The following OLAH variants were observed in gnomAD, a reference collection of about 807,000 sequenced individuals.
The protein encoded by OLAH is oleoyl-ACP hydrolase, also known as S-acyl fatty acid synthase thioesterase, medium chain.
A neutral mutation model predicts 27.8 loss-of-function variants in OLAH; 33 were observed. The observed-to-expected ratio is 1.19, with a 90% confidence interval of 0.90 to 1.59. The LOEUF (loss-of-function observed/expected upper bound fraction) is 1.59. Ranked by LOEUF, OLAH falls within the 40% of genes most tolerant of loss-of-function variation. The pLI, the probability that OLAH is intolerant of heterozygous loss-of-function variation, is 0.00. For missense variants in OLAH, 359 were observed against 310.8 expected (o/e 1.16, Z -1.17); for synonymous variants, 120 against 102.9 (o/e 1.17, Z -1.01).
chr10:15,043,641 A>G (rs1259512272), upstream of OLAH, among the ~76,000 whole-genome samples: 2 of 151,650 alleles, frequency 1.3e-5, no homozygotes, highest in South Asian at 2.1e-4. Flanking sequence ...AATTTTTTGT[A>G]TTTTTTAGTA....
At chr10:15,072,869 G>T (rs1844618896) in intron 7 of OLAH, among the ~76,000 whole-genome samples, 1 of 151,990 alleles carries the variant, frequency 6.6e-6, no homozygotes, top group South Asian at 2.1e-4. Context: ...TAGCCATTAG[G>T]CTGATGATGC....
chr10:15,056,697 C>T, intron 3 of OLAH: 1 of 1,008,526 alleles, frequency 9.9e-7, no homozygotes, highest in South Asian at 4.4e-5. Context: ...ATAGCATGAT[C>T]TTGGCTCATT....
intron 5 of OLAH, among the ~76,000 whole-genome samples, chr10:15,065,166 C>A (rs1171917693): frequency 6.6e-6 from 1 of 152,130 alleles, no homozygotes; most frequent in Non-Finnish European, 1.5e-5. Flanking sequence ...GGAACTTAAC[C>A]AACTTTGAGC....
chr10:15,062,558 A>T (rs1196972631), intron 4 of OLAH, among the ~76,000 whole-genome samples: 1 of 151,180 alleles, frequency 6.6e-6, no homozygotes, highest in Non-Finnish European at 1.5e-5. Flanking sequence ...GATGTGAAAG[A>T]TGTTTATTGC....
intron 3 of OLAH, among the ~76,000 whole-genome samples, chr10:15,050,327 G>A (rs1279128279): frequency 6.6e-6 from 1 of 152,050 alleles, no homozygotes; most frequent in African/African-American, 2.4e-5. Flanking sequence ...GAGTGCAGTG[G>A]TGCAATCTCG....
chr10:15,067,785 C>T (rs1214862377), intron 6 of OLAH, among the ~76,000 whole-genome samples: 1 of 152,158 alleles, frequency 6.6e-6, no homozygotes, highest in Non-Finnish European at 1.5e-5. Context: ...TGAAATCAGG[C>T]CTACAGAGTT....
At chr10:15,053,018 G>A (rs1844177289) in intron 3 of OLAH, among the ~76,000 whole-genome samples, 2 of 152,128 alleles carry the variant, frequency 1.3e-5, no homozygotes, top group African/African-American at 4.8e-5. Flanking sequence ...TGGGATTACA[G>A]GTGTGAGCCA....
intron 3 of OLAH, among the ~76,000 whole-genome samples, chr10:15,051,784 T>C (rs1844149189): frequency 6.6e-6 from 1 of 152,248 alleles, no homozygotes; most frequent in Non-Finnish European, 1.5e-5. Context: ...TCCCTAATCA[T>C]GTATTCTTTG....
intron 6 of OLAH, among the ~76,000 whole-genome samples, chr10:15,069,727 G>A (rs1460592503): frequency 1.3e-5 from 2 of 152,148 alleles, no homozygotes; most frequent in African/African-American, 2.4e-5. Context: ...ATAGCTGGAT[G>A]TGGTGGCAGA....
intron 1 of OLAH, among the ~76,000 whole-genome samples, chr10:15,033,085 C>G (rs562032475): frequency 3.4e-4 from 52 of 151,786 alleles, no homozygotes; most frequent in African/African-American, 1.2e-3. Context: ...CCATGTTGGC[C>G]AGGCTGGTCT....
chr10:15,045,759 G>A (rs551705717), intron 1 of OLAH, among the ~76,000 whole-genome samples: 1 of 152,090 alleles, frequency 6.6e-6, no homozygotes, highest in Non-Finnish European at 1.5e-5. Context: ...TGGGATCCAA[G>A]GAGCTCCTAG....
intron 6 of OLAH, among the ~76,000 whole-genome samples, chr10:15,068,631 G>A (rs1454311290): frequency 6.6e-6 from 1 of 152,134 alleles, no homozygotes; most frequent in Non-Finnish European, 1.5e-5. Context: ...CTGACCTCAG[G>A]TGATCCACCC....
chr10:15,037,580 C>CAAAAAAAA (rs66522152), intron 1 of OLAH, among the ~76,000 whole-genome samples: 5 of 141,268 alleles, frequency 3.5e-5, no homozygotes, highest in African/African-American at 2.6e-5. Context: ...GACTCCGTAT[C>CAAAAAAAA]AAAAAAAAAA....
intron 1 of OLAH, among the ~76,000 whole-genome samples, chr10:15,037,851 C>T (rs574750130): frequency 2.0e-5 from 3 of 152,318 alleles, no homozygotes; most frequent in Admixed American, 6.5e-5. Context: ...TAACTGGCAG[C>T]GACTTCAGCC....
intron 4 of OLAH, 140 bp from the exon 5 acceptor site, chr10:15,064,263 A>G: frequency 1.6e-6 from 1 of 609,714 alleles, no homozygotes; most frequent in Non-Finnish European, 2.9e-6. Flanking sequence ...GAAAAGATAG[A>G]CTTCTTAATC....
upstream of OLAH, among the ~76,000 whole-genome samples, chr10:15,041,280 A>T (rs200220001): frequency 3.4e-4 from 27 of 79,048 alleles, no homozygotes; most frequent in East Asian, 7.6e-4. Flanking sequence ...TTTTATTTTT[A>T]TTTTTATTTT....
chr10:15,035,915 C>A (rs1353737194), intron 1 of OLAH, among the ~76,000 whole-genome samples: 1 of 152,154 alleles, frequency 6.6e-6, no homozygotes, highest in Non-Finnish European at 1.5e-5. Flanking sequence ...CTCATTGAAT[C>A]TCACACCAAT....
At position 15,037,311 on chromosome 10, in the gene OLAH, T is replaced by A. The variant is rs563459239; in HGVS notation, c.-164+4961T>A. 1.9e-3 allele frequency among the ~76,000 whole-genome samples: 296 copies of A among 152,286 alleles called. 2 individuals carry two copies. The highest frequency in any genetic ancestry group is 6.9e-3 in the African/African-American group (287 of 41,578). On this transcript the variant is annotated intron_variant, in intron 1 of 3. Coordinates refer to the OLAH transcript ENST00000413672. ...TTATTATCATAGAAGCCGGCTGCAG[T>A]GGCTCACGCCTATAATCCTGGCTCT...
At chr10:15,061,993 C>T in intron 4 of OLAH, 131 bp downstream of exon 4, 2 of 799,106 alleles carry the variant, frequency 2.5e-6, no homozygotes, top group African/African-American at 1.8e-5. Flanking sequence ...GTAATTATGG[C>T]CATCACAACT....
Sources: gnomAD v4.1 joint callset for allele counts (sites outside exome capture counted in the v4.1 genomes callset) on GRCh38, gnomAD v4.1.1 for gene constraint, MANE v1.5 for transcripts, NCBI Gene and HGNC (gene_info 2026-07-23, HGNC 2026-07-21) for gene names.